NUP153: variants seen among roughly 807,000 people sequenced by gnomAD.
NUP153 encodes nuclear pore complex protein Nup153.
In NUP153, 27 loss-of-function variants were observed where a neutral mutation model predicts 134.6. The observed-to-expected ratio is 0.20, with a 90% CI of 0.15 to 0.28. The LOEUF (loss-of-function observed/expected upper bound fraction) is 0.28, where lower values mean the gene tolerates loss of function less well. NUP153 is among the 10% of genes least tolerant of loss of function. The probability of loss-of-function intolerance (pLI) is 1.00; values close to 1 mark genes in which losing one functional copy is unlikely to be tolerated. For synonymous variants in NUP153, 640 were observed against 623.5 expected (o/e 1.03, Z -0.40); for missense variants, 1,821 against 1,731.3 (o/e 1.05, Z -0.92).
chr6:17,684,844 G>C (rs993577111), intron 2 of NUP153, among the ~76,000 whole-genome samples: 4 of 152,174 alleles, frequency 2.6e-5, no homozygotes, highest in African/African-American at 7.2e-5. Context: ...GAAAAGAGGG[G>C]AATAGCCAGT....
rs751618035 is a variant in NUP153 at position 17,632,682 on chromosome 6, C to T, written c.2627G>A (p.Ser876Asn). ...CCCAGATTTTGTGCCTGGCTTTGCA[C>T]TTTCACATGCCAAACATTTGGTAGA... ...ADSTKCLACE[S>N]AKPGTKSGFK... Residue 876 changes from serine (S) to asparagine (N), a missense_variant, in exon 17 of 22, where the codon AGT becomes AAT. By Grantham distance (46) the Ser-to-Asn change is conservative (BLOSUM62 1). Coordinates refer to ENST00000262077, the MANE Select transcript of NUP153 (RefSeq NM_005124.4). 2.5e-6 allele frequency: 4 copies of T among 1,611,518 alleles called. No individual in the cohort carries two copies. Among genetic ancestry groups the T allele is most frequent in the Non-Finnish European group, 3.4e-6 (4 of 1,179,138 alleles).
At chr6:17,704,133 A>T (rs1770306149) in intron 1 of NUP153, among the ~76,000 whole-genome samples, 1 of 152,208 alleles carries the variant, frequency 6.6e-6, no homozygotes, top group African/African-American at 2.4e-5. Context: ...TCTACTAAAA[A>T]TACAAAAAAT....
In NUP153 at chr6:17,632,864, C is replaced by CG. The variant is rs774269038; in HGVS notation, c.2465-21dup. ...AACTTCCTAAAAAAAAAAAAAAAAA[C>CG]GGGGAGTGGGGGGAGATTTCATGAA... On this transcript the variant is annotated intron_variant, in intron 16 of 21. Transcript: ENST00000262077. 1.4e-6 allele frequency: 1 copy of CG among 739,410 alleles called. No individual in the cohort carries two copies. The highest frequency in any genetic ancestry group is 2.1e-6 in the Non-Finnish European group (1 of 485,708). 45.8% of individuals were successfully genotyped at this position (739,410 alleles called of 1,614,324 possible). A position where few individuals can be genotyped will look rare whatever the true frequency, so the allele number is the denominator to read the frequency against.
At chr6:17,688,642 T>C (rs1477643680) in intron 1 of NUP153, 24 bp from the exon 2 acceptor site, 6 of 1,555,922 alleles carry the variant, frequency 3.9e-6, no homozygotes, top group Non-Finnish European at 5.3e-6. Context: ...AAACATATTA[T>C]GACAGTTTTA....
rs1032898872 is a variant in NUP153 at position 17,669,447 on chromosome 6, T to C, written c.952A>G (p.Met318Val). The C allele has an allele frequency of 3.1e-6, 5 of 1,613,588 alleles. No homozygotes were observed. The highest frequency in any genetic ancestry group is 4.2e-6 in the Non-Finnish European group (5 of 1,179,480). Residue 318 changes from methionine to valine, a missense_variant, in exon 6 of 22, where the codon ATG becomes GTG. Physicochemically the swap from Met to Val is conservative, Grantham distance 21 (BLOSUM62 1). Coordinates refer to ENST00000262077, the MANE Select transcript of NUP153 (RefSeq NM_005124.4). ...ARRILQSLEK[M>V]SSPLADAKRI... ...AAATTTACCGCTAAAGGGCTTGACA[T>C]CTTCTCTAAAGACTGCAATATTCGC...
At chr6:17,699,332 T>C (rs954104892) in intron 1 of NUP153, among the ~76,000 whole-genome samples, 1 of 151,466 alleles carries the variant, frequency 6.6e-6, no homozygotes, top group Admixed American at 6.6e-5. Context: ...CCGTCCCTAC[T>C]AAAGATATAA....
chr6:17,653,268 C>G (rs1309833600), intron 11 of NUP153, among the ~76,000 whole-genome samples: 2 of 152,030 alleles, frequency 1.3e-5, no homozygotes, highest in Non-Finnish European at 2.9e-5. Context: ...AAGAACTGAA[C>G]AGACACCTCA....
At chr6:17,672,323 A>T (rs764336007) in intron 5 of NUP153, among the ~76,000 whole-genome samples, 3 of 152,174 alleles carry the variant, frequency 2.0e-5, no homozygotes, top group Non-Finnish European at 4.4e-5. Flanking sequence ...CATGCTTGTA[A>T]TCCGAACACT....
chr6:17,622,158 C>G (rs771924442), intron 20 of NUP153, among the ~76,000 whole-genome samples: 14 of 152,040 alleles, frequency 9.2e-5, no homozygotes, highest in Non-Finnish European at 2.1e-4. Flanking sequence ...CAAGAGTTTT[C>G]TAACATCTTG....
At chr6:17,657,884 A>C (rs1237017626) in intron 11 of NUP153, among the ~76,000 whole-genome samples, 1 of 152,228 alleles carries the variant, frequency 6.6e-6, no homozygotes, top group African/African-American at 2.4e-5. Flanking sequence ...ATTTTAATGC[A>C]AATTTCTTGC....
At chr6:17,700,204 C>A (rs1342735910) in intron 1 of NUP153, among the ~76,000 whole-genome samples, 1 of 152,054 alleles carries the variant, frequency 6.6e-6, no homozygotes, top group Non-Finnish European at 1.5e-5. Flanking sequence ...GATCCTAAAT[C>A]AAACAGTTCT....
At chr6:17,617,958 C>A (rs1764425985) in intron 20 of NUP153, among the ~76,000 whole-genome samples, 1 of 152,148 alleles carries the variant, frequency 6.6e-6, no homozygotes, top group Non-Finnish European at 1.5e-5. Context: ...GGAGACACCA[C>A]ATACAGTTAA....
chr6:17,634,258 A>G (rs1765406440), intron 16 of NUP153, among the ~76,000 whole-genome samples: 2 of 152,060 alleles, frequency 1.3e-5, no homozygotes, highest in Non-Finnish European at 2.9e-5. Context: ...GCACCTTTTT[A>G]AAAGATTAAC....
intron 20 of NUP153, among the ~76,000 whole-genome samples, chr6:17,624,205 T>TG (rs1448317359): frequency 5.9e-5 from 9 of 152,164 alleles, no homozygotes; most frequent in African/African-American, 2.2e-4. Context: ...GCACTGGACC[T>TG]GGGGGTAACT....
At chr6:17,683,000 G>A (rs2113843641) in intron 2 of NUP153, among the ~76,000 whole-genome samples, 1 of 150,734 alleles carries the variant, frequency 6.6e-6, no homozygotes, top group Admixed American at 6.6e-5. Flanking sequence ...TTGAGCATAA[G>A]ATATTGCAGT....
chr6:17,671,270 TA>T (rs1482768589), intron 5 of NUP153, among the ~76,000 whole-genome samples: 3 of 152,196 alleles, frequency 2.0e-5, no homozygotes, highest in African/African-American at 7.2e-5. Flanking sequence ...TGCTGTCTTC[TA>T]ATGTCTTTGT....
At chr6:17,620,042 G>A (rs912301403) in intron 20 of NUP153, among the ~76,000 whole-genome samples, 13 of 136,584 alleles carry the variant, frequency 9.5e-5, no homozygotes, top group African/African-American at 2.7e-4. Flanking sequence ...AGGCTGCAGT[G>A]AGCCAAGATT....
intron 20 of NUP153, among the ~76,000 whole-genome samples, chr6:17,620,470 C>T (rs1764594591): frequency 6.6e-6 from 1 of 152,136 alleles, no homozygotes; most frequent in Non-Finnish European, 1.5e-5. Context: ...CCCTACTTCT[C>T]ACCCTATACA....
At chr6:17,652,055 T>A in intron 11 of NUP153, 2 of 333,818 alleles carry the variant, frequency 6.0e-6, no homozygotes, top group Admixed American at 4.6e-5. Context: ...ATCTCAAAAA[T>A]AAATAAATAA....
Sources: gnomAD v4.1 joint callset for allele counts (sites outside exome capture counted in the v4.1 genomes callset) on GRCh38, gnomAD v4.1.1 for gene constraint, MANE v1.5 for transcripts, NCBI Gene and HGNC (gene_info 2026-07-23, HGNC 2026-07-21) for gene names.